The following OR5AN1 variants were observed in gnomAD, a reference collection of about 807,000 sequenced individuals.
OR5AN1 encodes olfactory receptor 5AN1.
For synonymous variants in OR5AN1, 167 were observed against 131.8 expected (o/e 1.27, Z -1.83); for missense variants, 476 against 368.9 (o/e 1.29, Z -2.38).
chr11:59,365,235 C>T lies in OR5AN1; in HGVS notation c.777C>T (p.Val259=), dbSNP rs766898098. 10 of 1,614,070 alleles carry T rather than the reference C, an allele frequency of 6.2e-6. No homozygotes were observed. The highest frequency in any genetic ancestry group is 2.2e-5 in the East Asian group (1 of 44,874). Residue 259 remains valine, a synonymous_variant, in exon 2 of 2, where the codon GTC becomes GTT. Coordinates refer to ENST00000641998, the MANE Select transcript of OR5AN1 (RefSeq NM_001004729.2). ...TCTTCTATACATCAGGAATCTTTGT[C>T]TATTTGAGTTCCAGCTCTGGAGGTT... ...VSLFYTSGIF[V]YLSSSSGGSS...
Position 59,368,073 on chromosome 11 carries a change from G to A in OR5AN1, c.*2679G>A, listed in dbSNP as rs1857554296. On this transcript the variant is annotated 3_prime_UTR_variant, in exon 2 of 2. Coordinates refer to ENST00000641998, the MANE Select transcript of OR5AN1 (RefSeq NM_001004729.2). Reference sequence around the variant, plus strand: ...TCACTGGGTGGAACCTCTCAACTAGGCTCTCCAGCCACTTCCTACAGCTGC... The same window carrying A: ...TCACTGGGTGGAACCTCTCAACTAGACTCTCCAGCCACTTCCTACAGCTGC... 1 of 152,248 alleles carries A rather than the reference G, an allele frequency of 6.6e-6. No homozygotes were observed. The highest frequency in any genetic ancestry group is 2.4e-5 in the African/African-American group (1 of 41,428). 9.4% of individuals were successfully genotyped at this position (152,248 alleles called of 1,614,324 possible). A position where few individuals can be genotyped will look rare whatever the true frequency, so the allele number is the denominator to read the frequency against.
Position 59,370,018 on chromosome 11 carries a change from C to T in OR5AN1, c.*4624C>T, listed in dbSNP as rs929822119. 2.6e-5 allele frequency: 4 copies of T among 152,088 alleles called. No homozygotes were observed. Among genetic ancestry groups the T allele is most frequent in the African/African-American group, 9.7e-5 (4 of 41,420 alleles). 9.4% of individuals were successfully genotyped at this position (152,088 alleles called of 1,614,324 possible). A position where few individuals can be genotyped will look rare whatever the true frequency, so the allele number is the denominator to read the frequency against. ...TTTCATATCTAGCCAAACTAAGCTC[C>T]TAAGTGAAGGAATAATACAATCCTT... is the stretch of plus-strand genomic sequence containing the variant. On this transcript the variant is annotated 3_prime_UTR_variant, in exon 2 of 2. Transcript: ENST00000641998.
At position 59,366,320 on chromosome 11, in the gene OR5AN1, G is replaced by A. The variant is rs1257428486; in HGVS notation, c.*926G>A. 2 of 152,076 alleles carry A rather than the reference G, an allele frequency of 1.3e-5. No homozygotes were observed. The highest frequency in any genetic ancestry group is 2.9e-5 in the Non-Finnish European group (2 of 68,020). The allele number at this position is 152,076 out of a possible 1,614,324, so 9.4% of individuals were successfully genotyped here. A position where few individuals can be genotyped will look rare whatever the true frequency, so the allele number is the denominator to read the frequency against. ...CCAGGAGAGGATGAAAGAAACATGGGTCAAATATATTTCAGTCAAGCTCAA... is the reference window on the plus strand; with the variant it reads ...CCAGGAGAGGATGAAAGAAACATGGATCAAATATATTTCAGTCAAGCTCAA... On this transcript the variant is annotated 3_prime_UTR_variant, in exon 2 of 2. Transcript: ENST00000641998.
In OR5AN1 at chr11:59,370,346, T is replaced by C. The variant is rs573081650; in HGVS notation, c.*4952T>C. The C allele has an allele frequency of 1.6e-4, 24 of 152,230 alleles. No individual in the cohort carries two copies. The highest frequency in any genetic ancestry group is 5.8e-4 in the African/African-American group (24 of 41,542). The allele number at this position is 152,230 out of a possible 1,614,324, so 9.4% of individuals were successfully genotyped here. On this transcript the variant is annotated 3_prime_UTR_variant, in exon 2 of 2. Coordinates refer to ENST00000641998, the MANE Select transcript of OR5AN1 (RefSeq NM_001004729.2). ...AGGATAAAAAAGGAAGACCCAATGG[T>C]ATGCTGTCTTCAAGAGACCCGTCTC...
rs532758474 is a variant in OR5AN1, at chr11:59,365,448, C to G, written c.*54C>G. 3 of 1,072,004 alleles carry G rather than the reference C, an allele frequency of 2.8e-6. No individual in the cohort carries two copies. The South Asian group carries it at 4.7e-5, about 17-fold the overall frequency. The allele number at this position is 1,072,004 out of a possible 1,614,324, so 66.4% of individuals were successfully genotyped here. ...TATGGCCCATCAGAATCTCCCTAAC[C>G]CACAAAATATGATAATGAATGGACT... On this transcript the variant is annotated 3_prime_UTR_variant, in exon 2 of 2. Transcript: ENST00000641998.
rs930246852 is a variant in OR5AN1 at position 59,371,154 on chromosome 11, G to C, written c.*5760G>C. ...GGTTTTTTTTTTTCCACTAAAGATA[G>C]CCTTCCAGGTCAGCACATAAAGATA... On this transcript the variant is annotated 3_prime_UTR_variant, in exon 2 of 2. Transcript: ENST00000641998. 1 of 151,652 alleles carries C rather than the reference G, an allele frequency of 6.6e-6. No homozygotes were observed. The allele number at this position is 151,652 out of a possible 1,614,324, so 9.4% of individuals were successfully genotyped here.
At chr11:59,359,580 A>G (rs1057203429) in intron 1 of OR5AN1, 2 of 152,160 alleles carry the variant, frequency 1.3e-5, no homozygotes, top group Non-Finnish European at 2.9e-5. Flanking sequence ...TTCTGTTTAA[A>G]TACATAGCTT....
chr11:59,365,438 T>A lies in OR5AN1; in HGVS notation c.*44T>A, dbSNP rs764325235. 4 of 1,190,852 alleles carry A rather than the reference T, an allele frequency of 3.4e-6. No individual in the cohort carries two copies. The South Asian group carries it at 4.4e-5, about 13-fold the overall frequency. The allele number at this position is 1,190,852 out of a possible 1,614,324, so 73.8% of individuals were successfully genotyped here. On this transcript the variant is annotated 3_prime_UTR_variant, in exon 2 of 2. Transcript: ENST00000641998. ...TTCTGCCAGATATGGCCCATCAGAA[T>A]CTCCCTAACCCACAAAATATGATAA...
In OR5AN1 at chr11:59,366,232, T is replaced by A. The variant is rs562183751; in HGVS notation, c.*838T>A. Reference sequence around the variant, plus strand: ...ACATCTGATACTGTGGGACTCAAACTTTCTTTTTCTCCCCCATTAAATTTA... The same window carrying A: ...ACATCTGATACTGTGGGACTCAAACATTCTTTTTCTCCCCCATTAAATTTA... On this transcript the variant is annotated 3_prime_UTR_variant, in exon 2 of 2. Coordinates refer to ENST00000641998, the MANE Select transcript of OR5AN1 (RefSeq NM_001004729.2). 2 of 152,340 alleles carry A rather than the reference T, an allele frequency of 1.3e-5. No individual in the cohort carries two copies. Among genetic ancestry groups the A allele is most frequent in the Admixed American group, 6.5e-5 (1 of 15,302 alleles). 9.4% of individuals were successfully genotyped at this position (152,340 alleles called of 1,614,324 possible).
rs1211460918 is a variant in OR5AN1 at position 59,367,630 on chromosome 11, G to T, written c.*2236G>T. 1 of 152,302 alleles carries T rather than the reference G, an allele frequency of 6.6e-6. No homozygotes were observed. The highest frequency in any genetic ancestry group is 1.5e-5 in the Non-Finnish European group (1 of 68,142). 9.4% of individuals were successfully genotyped at this position (152,302 alleles called of 1,614,324 possible). On this transcript the variant is annotated 3_prime_UTR_variant, in exon 2 of 2. Transcript: ENST00000641998. Reference sequence around the variant, plus strand: ...GAAGAGCTGGGCTGTCATCTTTGCTGTTCAGATGCCTTAGCTGTTCCGGCC... The same window carrying T: ...GAAGAGCTGGGCTGTCATCTTTGCTTTTCAGATGCCTTAGCTGTTCCGGCC...
At chr11:59,363,027 G>A (rs1857481526) in intron 1 of OR5AN1, among the ~76,000 whole-genome samples, 1 of 152,174 alleles carries the variant, frequency 6.6e-6, no homozygotes, top group Non-Finnish European at 1.5e-5. Flanking sequence ...CACCTGCCTG[G>A]AGGCAATGAG....
At position 59,366,801 on chromosome 11, in the gene OR5AN1, G is replaced by T. The variant is rs1253348067; in HGVS notation, c.*1407G>T. The stretch of plus-strand genomic sequence containing the variant: ...TTATTAAGTGCTTTCTATGTTCAAA[G>T]AATTTAAATGGTTTCAGTTGAGCTA... On this transcript the variant is annotated 3_prime_UTR_variant, in exon 2 of 2. Coordinates refer to ENST00000641998, the MANE Select transcript of OR5AN1 (RefSeq NM_001004729.2). The T allele has an allele frequency of 6.6e-6, 1 of 152,166 alleles. No homozygotes were observed. Among genetic ancestry groups the T allele is most frequent in the Admixed American group, 6.6e-5 (1 of 15,260 alleles). The allele number at this position is 152,166 out of a possible 1,614,324, so 9.4% of individuals were successfully genotyped here.
intron 1 of OR5AN1, among the ~76,000 whole-genome samples, chr11:59,362,937 C>G (rs949421111): frequency 2.0e-5 from 3 of 152,128 alleles, no homozygotes; most frequent in African/African-American, 2.4e-5. Flanking sequence ...TACCCAAAGT[C>G]AAGCAAACTG....
rs1332260011 is a variant in OR5AN1, at chr11:59,364,440, T to C, written c.-13-6T>C. The C allele has an allele frequency of 9.1e-6, 14 of 1,543,414 alleles. No individual in the cohort carries two copies. Among genetic ancestry groups the C allele is most frequent in the Non-Finnish European group, 1.2e-5 (14 of 1,128,728 alleles). ...ATCCATTCTCTTGTCTCCTTTCTGA[T>C]ATTAGGAGCACTGAGCCAATGACTG... On this transcript the variant is annotated splice_region_variant and splice_polypyrimidine_tract_variant and intron_variant, in intron 1 of 1. Coordinates refer to ENST00000641998, the MANE Select transcript of OR5AN1 (RefSeq NM_001004729.2).
In OR5AN1 at chr11:59,364,558, G is replaced by T; in HGVS notation, c.100G>T (p.Val34Leu). 6.2e-7 allele frequency: 1 copy of T among 1,613,792 alleles called. No individual in the cohort carries two copies. The highest frequency in any genetic ancestry group is 1.1e-5 in the South Asian group (1 of 91,052). Residue 34 changes from valine (V) to leucine (L), a missense_variant, in exon 2 of 2, where the codon GTG (valine) becomes TTG (leucine). By Grantham distance (32) the Val-to-Leu change is conservative. Transcript: ENST00000641998. ...AAAAGTGCTCTTCACTATATTCCTGGTGATCTACATTACATCTCTGGCCTG... is the reference window on the plus strand; with the variant it reads ...AAAAGTGCTCTTCACTATATTCCTGTTGATCTACATTACATCTCTGGCCTG... ...IIKVLFTIFL[V>L]IYITSLAWNL...
rs1857525662 is a variant in OR5AN1 at position 59,365,784 on chromosome 11, T to A, written c.*390T>A. Reference sequence around the variant, plus strand: ...GAGGCCTGGCACAGACCCCCAGGAGTTCAGAAACATCATCTCCCATATATG... The same window carrying A: ...GAGGCCTGGCACAGACCCCCAGGAGATCAGAAACATCATCTCCCATATATG... On this transcript the variant is annotated 3_prime_UTR_variant, in exon 2 of 2. Transcript: ENST00000641998. The A allele has an allele frequency of 5.9e-6, 1 of 169,682 alleles. No individual in the cohort carries two copies. Among genetic ancestry groups the A allele is most frequent in the African/African-American group, 2.4e-5 (1 of 41,784 alleles). 10.5% of individuals were successfully genotyped at this position (169,682 alleles called of 1,614,324 possible). A position where few individuals can be genotyped will look rare whatever the true frequency, so the allele number is the denominator to read the frequency against.
Position 59,370,525 on chromosome 11 carries a change from A to C in OR5AN1, c.*5131A>C, listed in dbSNP as rs1857583515. The C allele has an allele frequency of 6.6e-6, 1 of 152,252 alleles. No individual in the cohort carries two copies. Among genetic ancestry groups the C allele is most frequent in the South Asian group, 2.1e-4 (1 of 4,838 alleles). 9.4% of individuals were successfully genotyped at this position (152,252 alleles called of 1,614,324 possible). A position where few individuals can be genotyped will look rare whatever the true frequency, so the allele number is the denominator to read the frequency against. ...AATGTATGAATTATGTGAAATACCA[A>C]TCAAAATCACAACATGCTTGTGGAA... is the stretch of plus-strand genomic sequence containing the variant. On this transcript the variant is annotated 3_prime_UTR_variant, in exon 2 of 2. Coordinates refer to ENST00000641998, the MANE Select transcript of OR5AN1 (RefSeq NM_001004729.2).
At position 59,365,170 on chromosome 11, in the gene OR5AN1, G is replaced by A. The variant is rs372816095; in HGVS notation, c.712G>A (p.Ala238Thr). 3.7e-6 allele frequency: 6 copies of A among 1,613,808 alleles called. No homozygotes were observed. Among genetic ancestry groups the A allele is most frequent in the South Asian group, 1.1e-5 (1 of 91,070 alleles). ...KITSAKGRSK[A>T]FNTCASHLTA... ...CACTTCAGCTAAAGGCAGGTCCAAGGCATTCAACACCTGTGCTTCTCATCT... is the reference window on the plus strand; with the variant it reads ...CACTTCAGCTAAAGGCAGGTCCAAGACATTCAACACCTGTGCTTCTCATCT... Residue 238 changes from alanine (A) to threonine (T), a missense_variant, in exon 2 of 2, where the codon GCA becomes ACA. Ala to Thr is a moderately conservative substitution (Grantham distance 58). Transcript: ENST00000641998.
chr11:59,364,407 A>G, intron 1 of OR5AN1, 39 bp from the exon 2 acceptor site: 1 of 1,268,974 alleles, frequency 7.9e-7, no homozygotes, highest in South Asian at 1.4e-5. Flanking sequence ...ACTTCAACTG[A>G]GTTAGCAATC....
Sources: gnomAD v4.1 joint callset for allele counts (sites outside exome capture counted in the v4.1 genomes callset) on GRCh38, gnomAD v4.1.1 for gene constraint, MANE v1.5 for transcripts, NCBI Gene and HGNC (gene_info 2026-07-23, HGNC 2026-07-21) for gene names.